NBPF15: variants seen among roughly 807,000 people sequenced by gnomAD.
NBPF15 encodes the protein NBPF family member NBPF15.
A neutral mutation model predicts 62.2 loss-of-function variants in NBPF15; 74 were observed. The ratio of observed to expected loss-of-function variants is 1.19; its 90% confidence interval spans 0.99 to 1.44. The LOEUF (loss-of-function observed/expected upper bound fraction) is 1.44, where lower values mean the gene tolerates loss of function less well. Ranked by LOEUF, NBPF15 falls within the 40% of genes most tolerant of loss-of-function variation. The pLI, the probability that NBPF15 is intolerant of heterozygous loss-of-function variation, is 0.00. For missense variants in NBPF15, 790 were observed against 550.0 expected (o/e 1.44, Z -4.36); for synonymous variants, 244 against 209.7 (o/e 1.16, Z -1.41).
At position 144,458,279 on chromosome 1, in the gene NBPF15, T is replaced by C. The variant is rs1276855171; in HGVS notation, c.-701+1087A>G. Among the ~76,000 whole-genome samples, 2 of 151,948 alleles carry C rather than the reference T, an allele frequency of 1.3e-5. 1 individual carries two copies. The highest frequency in any genetic ancestry group is 4.8e-5 in the African/African-American group (2 of 41,344). The stretch of plus-strand genomic sequence containing the variant: ...AGTTACTGCCTTGACAGGAAGATTG[T>C]AAAAATTGTAAAAAAGATAAATAAA... On this transcript the variant is annotated intron_variant, in intron 3 of 21. Coordinates refer to ENST00000581897, the MANE Select transcript of NBPF15 (RefSeq NM_001385408.1).
chr1:144,440,029 G>A lies in NBPF15; in HGVS notation c.-26C>T. The stretch of plus-strand genomic sequence containing the variant: ...GCTGACGTTTGTGGCAGAAGAGGTG[G>A]AGTCAGGGACTGGGGAGAAGAAACC... On this transcript the variant is annotated 5_prime_UTR_variant, in exon 8 of 22. Transcript: ENST00000581897. 1.2e-6 allele frequency: 2 copies of A among 1,604,106 alleles called. No individual in the cohort carries two copies. Among genetic ancestry groups the A allele is most frequent in the Non-Finnish European group, 1.7e-6 (2 of 1,172,724 alleles).
At chr1:144,432,986 A>T (rs1159527547) in intron 13 of NBPF15, among the ~76,000 whole-genome samples, 7 of 151,810 alleles carry the variant, frequency 4.6e-5, no homozygotes, top group Non-Finnish European at 8.8e-5. Context: ...CTCCACCCCA[A>T]ATCAACAGAA....
At chr1:144,445,174 C>G (rs1340389398) in intron 6 of NBPF15, among the ~76,000 whole-genome samples, 2 of 150,002 alleles carry the variant, frequency 1.3e-5, no homozygotes, top group Non-Finnish European at 3.0e-5. Flanking sequence ...TCTGAAGTAT[C>G]TATTCAAGTC....
At chr1:144,437,491 C>T (rs1425721279) in intron 9 of NBPF15, among the ~76,000 whole-genome samples, 1 of 146,390 alleles carries the variant, frequency 6.8e-6, no homozygotes, top group African/African-American at 2.6e-5. Flanking sequence ...AGAAATGAGG[C>T]CAGGTGCAGA....
At chr1:144,448,312 T>C (rs1689005521) in intron 6 of NBPF15, among the ~76,000 whole-genome samples, 1 of 152,046 alleles carries the variant, frequency 6.6e-6, no homozygotes, top group African/African-American at 2.4e-5. Flanking sequence ...TCCTAAGGCG[T>C]CCAGTTGAAA....
chr1:144,439,705 A>G, intron 8 of NBPF15, 124 bp downstream of exon 8: 1 of 698,234 alleles, frequency 1.4e-6, no homozygotes, highest in South Asian at 1.8e-5. Flanking sequence ...TAAAATACCC[A>G]TTTCTGTTTT....
chr1:144,450,445 C>T (rs1429098196), intron 5 of NBPF15, among the ~76,000 whole-genome samples: 2 of 151,950 alleles, frequency 1.3e-5, no homozygotes, highest in African/African-American at 2.4e-5. Flanking sequence ...CCCTCAGCCC[C>T]CCACAAACAA....
At position 144,427,265 on chromosome 1, in the gene NBPF15, CT is replaced by C. The variant is rs200587593; in HGVS notation, c.1214-168del. 1.2e-3 allele frequency among the ~76,000 whole-genome samples: 176 copies of C among 146,442 alleles called. 3 individuals are homozygous for C. The East Asian group carries it at 0.033, about 27-fold the overall frequency. On this transcript the variant is annotated intron_variant, in intron 16 of 21. Coordinates refer to ENST00000581897, the MANE Select transcript of NBPF15 (RefSeq NM_001385408.1). ...TGAAGGCTGATCACCATAGAGATTC[CT>C]TGGTTTTTGTCCCAGAAACTGTGGG... is the stretch of plus-strand genomic sequence containing the variant.
intron 4 of NBPF15, among the ~76,000 whole-genome samples, chr1:144,452,292 C>T (rs1571161134): frequency 6.6e-6 from 1 of 151,810 alleles, no homozygotes; most frequent in African/African-American, 2.4e-5. Flanking sequence ...GTAAAAAATA[C>T]CAGTCACCAG....
chr1:144,447,925 T>C (rs1338655645), intron 6 of NBPF15, among the ~76,000 whole-genome samples: 1 of 151,952 alleles, frequency 6.6e-6, no homozygotes, highest in Non-Finnish European at 1.5e-5. Context: ...GAAGAGATGC[T>C]CACAGAGAAC....
At chr1:144,438,872 A>G (rs1243077956) in intron 8 of NBPF15, among the ~76,000 whole-genome samples, 3 of 151,886 alleles carry the variant, frequency 2.0e-5, no homozygotes, top group Non-Finnish European at 4.4e-5. Flanking sequence ...ATCTCCACAC[A>G]TTCTCGGATG....
In NBPF15 at chr1:144,425,055, GATAGAC is replaced by G. The variant is rs1338314758; in HGVS notation, c.1491-199_1491-194del. Among the ~76,000 whole-genome samples the G allele has an allele frequency of 1.8e-4, 18 of 101,768 alleles. No individual in the cohort carries two copies. The East Asian group carries it at 2.1e-3, about 12-fold the overall frequency. 66.8% of individuals were successfully genotyped at this position (101,768 alleles called of 152,430 possible). On this transcript the variant is annotated intron_variant, in intron 19 of 21. Transcript: ENST00000581897. ...TGGAAAAGAATGAAAGAGAAAGACA[GATAGAC>G]ACACACACACACACACACACACACA...
At position 144,426,132 on chromosome 1, in the gene NBPF15, C is replaced by T. The variant is rs1553539181; in HGVS notation, c.1438+146G>A. On this transcript the variant is annotated intron_variant, in intron 18 of 21. Coordinates refer to ENST00000581897, the MANE Select transcript of NBPF15 (RefSeq NM_001385408.1). ...ATGTCTAGGCTTCCAACTGAGACTA[C>T]AGTTTCATTACAACCTTTATGCGCC... 6 of 633,732 alleles carry T rather than the reference C, an allele frequency of 9.5e-6. 1 individual carries two copies. The highest frequency in any genetic ancestry group is 5.1e-5 in the South Asian group (3 of 58,712). The allele number at this position is 633,732 out of a possible 1,614,324, so 39.3% of individuals were successfully genotyped here.
chr1:144,453,701 T>C (rs1692682585), intron 4 of NBPF15, among the ~76,000 whole-genome samples: 1 of 111,230 alleles, frequency 9.0e-6, no homozygotes, highest in East Asian at 2.7e-4. Flanking sequence ...GATATACAGA[T>C]GGCAAATAAG....
chr1:144,450,571 C>A (rs2102637734), intron 5 of NBPF15, among the ~76,000 whole-genome samples: 1 of 150,500 alleles, frequency 6.6e-6, no homozygotes, highest in South Asian at 2.1e-4. Flanking sequence ...GATCAGAGAA[C>A]CCGGCCACTT....
rs9438168 is a variant in NBPF15 at position 144,429,163 on chromosome 1, G to A, written c.989-506C>T. Among the ~76,000 whole-genome samples the A allele has an allele frequency of 3.1e-4, 47 of 151,584 alleles. 1 individual carries two copies. Among genetic ancestry groups the A allele is most frequent in the East Asian group, 3.9e-4 (2 of 5,152 alleles). Reference sequence around the variant, plus strand: ...AAAGTCAGCCGTTTATCTAGAAAACGTACCAGGAACATGATGGACAGATGA... The same window carrying A: ...AAAGTCAGCCGTTTATCTAGAAAACATACCAGGAACATGATGGACAGATGA... On this transcript the variant is annotated intron_variant, in intron 14 of 21. Coordinates refer to ENST00000581897, the MANE Select transcript of NBPF15 (RefSeq NM_001385408.1).
intron 6 of NBPF15, among the ~76,000 whole-genome samples, 171 bp downstream of exon 6, chr1:144,448,604 A>G (rs1247982048): frequency 2.0e-5 from 3 of 152,044 alleles, no homozygotes; most frequent in East Asian, 1.9e-4. Flanking sequence ...ATTATTATCT[A>G]AAGAATGTTT....
At chr1:144,444,838 G>A (rs1389767566) in intron 6 of NBPF15, among the ~76,000 whole-genome samples, 1 of 151,850 alleles carries the variant, frequency 6.6e-6, no homozygotes, top group Admixed American at 6.6e-5. Context: ...CCCTCAGGTT[G>A]GTCTGGAAAC....
intron 6 of NBPF15, among the ~76,000 whole-genome samples, chr1:144,447,617 G>A (rs1415590252): frequency 6.6e-6 from 1 of 151,762 alleles, no homozygotes; most frequent in African/African-American, 2.4e-5. Context: ...AAGGAGGAGG[G>A]GATGTTATGG....
Sources: gnomAD v4.1 joint callset for allele counts (sites outside exome capture counted in the v4.1 genomes callset) on GRCh38, gnomAD v4.1.1 for gene constraint, MANE v1.5 for transcripts, NCBI Gene and HGNC (gene_info 2026-07-23, HGNC 2026-07-21) for gene names.